The following RALGAPB variants were observed in gnomAD, a reference collection of about 807,000 sequenced individuals.
RALGAPB encodes Ral GTPase activating protein non-catalytic subunit beta, also known as ral GTPase-activating protein subunit beta.
In RALGAPB, 25 loss-of-function variants were observed where a neutral mutation model predicts 161.1. That is an observed-to-expected ratio of 0.16 (90% CI 0.11 to 0.22). The LOEUF is 0.22. RALGAPB is among the 10% of genes least tolerant of loss of function. RALGAPB has a pLI of 1.00. For missense variants in RALGAPB, 1,391 were observed against 1,815.2 expected (o/e 0.77, Z 4.25); for synonymous variants, 629 against 626.1 (o/e 1.00, Z -0.07).
chr20:38,540,974 A>T (rs1600993903), intron 17 of RALGAPB, 67 bp from the exon 18 acceptor site: 1 of 1,545,270 alleles, frequency 6.5e-7, no homozygotes, highest in African/African-American at 1.4e-5. Flanking sequence ...TAGCATTTGG[A>T]TGGATTTCCT....
chr20:38,542,532 G>A (rs747707217), intron 18 of RALGAPB, among the ~76,000 whole-genome samples: 3 of 152,186 alleles, frequency 2.0e-5, no homozygotes, highest in Non-Finnish European at 4.4e-5. Context: ...ATGTGCTTAT[G>A]CTGATGATGA....
chr20:38,525,853 G>A (rs370128997), intron 12 of RALGAPB, 42 bp from the exon 13 acceptor site: 17 of 1,597,808 alleles, frequency 1.1e-5, no homozygotes, highest in Non-Finnish European at 1.3e-5. Flanking sequence ...GGCATCATAA[G>A]CTGCAACAGC....
intron 15 of RALGAPB, chr20:38,534,367 C>T (rs575597403): frequency 6.6e-6 from 1 of 152,664 alleles, no homozygotes; most frequent in South Asian, 2.1e-4. Context: ...TCTGTTGTCA[C>T]TGCCCTCTTT....
intron 22 of RALGAPB, among the ~76,000 whole-genome samples, chr20:38,554,648 A>C (rs1039897282): frequency 6.6e-6 from 1 of 152,226 alleles, no homozygotes; most frequent in Non-Finnish European, 1.5e-5. Flanking sequence ...AGTGAGGATG[A>C]TAAAAGTATC....
intron 24 of RALGAPB, 103 bp downstream of exon 24, chr20:38,562,800 A>G (rs2087832707): frequency 7.5e-7 from 1 of 1,332,042 alleles, no homozygotes; most frequent in Non-Finnish European, 1.0e-6. Flanking sequence ...AAAATACAAA[A>G]CCAGGCTGGG....
At position 38,558,309 on chromosome 20, in the gene RALGAPB, T is replaced by C. The variant is rs1277709498; in HGVS notation, c.3387T>C (p.Ser1129=). Residue 1129 remains serine, a synonymous_variant, in exon 23 of 30, where the codon AGT becomes AGC. Coordinates refer to ENST00000262879, the MANE Select transcript of RALGAPB (RefSeq NM_020336.4). ...SLEALKEPAN[S]RLPPHLIALD... ...TTTGGTGGCAGGAACCTGCAAATAG[T>C]CGTCTACCTCCTCACCTTATTGCAC... 6.5e-7 allele frequency: 1 copy of C among 1,532,742 alleles called. No homozygotes were observed. The allele number at this position is 1,532,742 out of a possible 1,614,324, so 94.9% of individuals were successfully genotyped here.
At chr20:38,537,320 T>A (rs1380572255) in intron 16 of RALGAPB, among the ~76,000 whole-genome samples, 1 of 152,162 alleles carries the variant, frequency 6.6e-6, no homozygotes, top group Non-Finnish European at 1.5e-5. Flanking sequence ...AAATTTTGAT[T>A]CATACCTTGC....
intron 18 of RALGAPB, 67 bp from the exon 19 acceptor site, chr20:38,546,174 CAT>C: frequency 6.2e-7 from 1 of 1,602,534 alleles, no homozygotes; most frequent in East Asian, 2.2e-5. Flanking sequence ...GAAGGGGACA[CAT>C]TGATGCACAA....
At position 38,558,469 on chromosome 20, in the gene RALGAPB, T is replaced by G; in HGVS notation, c.3531+16T>G. The G allele has an allele frequency of 7.0e-7, 1 of 1,429,712 alleles. No individual in the cohort carries two copies. 88.6% of individuals were successfully genotyped at this position (1,429,712 alleles called of 1,614,324 possible). ...GAACCAAGAGGTAAGAGTTACGAAT[T>G]TTTTTTTTTTGGTATGTTTTTGTGC... On this transcript the variant is annotated intron_variant, in intron 23 of 29. Transcript: ENST00000262879.
At chr20:38,497,301 T>C in intron 3 of RALGAPB, 52 bp from the exon 4 acceptor site, 1 of 1,550,540 alleles carries the variant, frequency 6.4e-7, no homozygotes, top group Non-Finnish European at 8.9e-7. Flanking sequence ...GTCCTGAAGC[T>C]GTTGCTGTCT....
At chr20:38,545,941 C>T (rs1445683268) in intron 18 of RALGAPB, among the ~76,000 whole-genome samples, 1 of 152,132 alleles carries the variant, frequency 6.6e-6, no homozygotes, top group Non-Finnish European at 1.5e-5. Context: ...TCACTAAGAT[C>T]AAATTATACC....
At chr20:38,514,371 T>G (rs2086065154) in intron 6 of RALGAPB, among the ~76,000 whole-genome samples, 1 of 152,230 alleles carries the variant, frequency 6.6e-6, no homozygotes, top group Non-Finnish European at 1.5e-5. Context: ...GTGATACTGT[T>G]TGACTTCAGT....
At chr20:38,558,274 C>T (rs763587900) in intron 22 of RALGAPB, 21 bp from the exon 23 acceptor site, 9 of 1,479,832 alleles carry the variant, frequency 6.1e-6, no homozygotes, top group Non-Finnish European at 5.4e-6. Context: ...AATAATTGCT[C>T]CTTTCTTCTT....
At chr20:38,487,505 A>C (rs922482712) in intron 1 of RALGAPB, among the ~76,000 whole-genome samples, 1 of 152,212 alleles carries the variant, frequency 6.6e-6, no homozygotes, top group Non-Finnish European at 1.5e-5. Context: ...TAGATTCTAG[A>C]AGAAATGAAA....
intron 3 of RALGAPB, among the ~76,000 whole-genome samples, chr20:38,493,680 G>C (rs1450133892): frequency 1.3e-5 from 2 of 152,158 alleles, no homozygotes; most frequent in East Asian, 3.8e-4. Flanking sequence ...GTAAAGTTCT[G>C]GTTAGAGCTT....
At chr20:38,481,495 G>A (rs534977893) in intron 1 of RALGAPB, among the ~76,000 whole-genome samples, 2 of 152,250 alleles carry the variant, frequency 1.3e-5, no homozygotes, top group South Asian at 2.1e-4. Context: ...GGCAAACTCC[G>A]GTTTTTAAAA....
intron 19 of RALGAPB, 102 bp from the exon 20 acceptor site, chr20:38,548,587 C>A: frequency 1.1e-6 from 1 of 898,862 alleles, no homozygotes; most frequent in Non-Finnish European, 1.7e-6. Flanking sequence ...TTAGGAAACA[C>A]TGTTGGGCCT....
At chr20:38,495,681 T>C (rs2085409003) in intron 3 of RALGAPB, among the ~76,000 whole-genome samples, 1 of 152,186 alleles carries the variant, frequency 6.6e-6, no homozygotes, top group Non-Finnish European at 1.5e-5. Context: ...AATCACAAGT[T>C]ACATTTTAAA....
chr20:38,533,569 A>T (rs749236293), intron 15 of RALGAPB, among the ~76,000 whole-genome samples: 58 of 152,276 alleles, frequency 3.8e-4, no homozygotes, highest in South Asian at 1.0e-3. Flanking sequence ...TGGAGAGTTC[A>T]TGAGCCATGT....
Sources: allele counts gnomAD v4.1 joint callset (sites outside exome capture counted in the v4.1 genomes callset), GRCh38; gene constraint gnomAD v4.1.1; transcripts MANE v1.5; gene names NCBI Gene and HGNC (gene_info 2026-07-23, HGNC 2026-07-21).